Variants in LOC128462377 observed in about 807,000 individuals in gnomAD.
chr16:89,338,726 C>CAAAAAAAAAA, the LOC128462377 span, among the ~76,000 whole-genome samples: 2 of 43,800 alleles, frequency 4.6e-5, no homozygotes, highest in Non-Finnish European at 7.8e-5. Flanking sequence ...CACTCAGTCT[C>CAAAAAAAAAA]AAAAAAAAAA....
chr16:89,356,191 T>C, the LOC128462377 span, among the ~76,000 whole-genome samples: 2 of 152,244 alleles, frequency 1.3e-5, no homozygotes, highest in Non-Finnish European at 2.9e-5. Flanking sequence ...TCTTTGTTTA[T>C]AACATTTATA....
chr16:89,357,189 G>A, the LOC128462377 span, among the ~76,000 whole-genome samples: 6 of 152,180 alleles, frequency 3.9e-5, no homozygotes, highest in Admixed American at 2.6e-4. Context: ...ACACACCTTC[G>A]AAGATGAGTG....
At chr16:89,337,909 G>C in the LOC128462377 span, among the ~76,000 whole-genome samples, 1 of 152,088 alleles carries the variant, frequency 6.6e-6, no homozygotes, top group Non-Finnish European at 1.5e-5. Flanking sequence ...CCCTCTATTG[G>C]GACCACAGCT....
the LOC128462377 span, among the ~76,000 whole-genome samples, chr16:89,415,351 G>A: frequency 1.4e-5 from 2 of 139,622 alleles, no homozygotes; most frequent in Non-Finnish European, 3.0e-5. Flanking sequence ...TGCAAGCTCC[G>A]CCTCCCAGGT....
chr16:89,376,599 G>A, the LOC128462377 span, among the ~76,000 whole-genome samples: 2 of 152,058 alleles, frequency 1.3e-5, no homozygotes, highest in African/African-American at 4.8e-5. Context: ...CACCATGCCC[G>A]GCTAATTTTT....
the LOC128462377 span, among the ~76,000 whole-genome samples, chr16:89,402,177 T>C: frequency 6.6e-6 from 1 of 152,184 alleles, no homozygotes; most frequent in African/African-American, 2.4e-5. Context: ...GAGGACGACC[T>C]ACAGTTCACT....
chr16:89,341,983 C>T, the LOC128462377 span, among the ~76,000 whole-genome samples: 7 of 149,916 alleles, frequency 4.7e-5, no homozygotes, highest in African/African-American at 1.7e-4. Context: ...AGTGCTGCAC[C>T]TCCACCCACA....
At chr16:89,396,307 G>C in the LOC128462377 span, among the ~76,000 whole-genome samples, 1 of 149,068 alleles carries the variant, frequency 6.7e-6, no homozygotes, top group Non-Finnish European at 1.5e-5. Flanking sequence ...GGTGCACACT[G>C]TGTGCTGACC....
chr16:89,408,279 C>T, the LOC128462377 span, among the ~76,000 whole-genome samples: 6 of 152,270 alleles, frequency 3.9e-5, no homozygotes, highest in Non-Finnish European at 1.5e-5. Context: ...AGTGGCAGCC[C>T]TTCCACATTC....
At chr16:89,391,572 G>C in the LOC128462377 span, among the ~76,000 whole-genome samples, 4,552 of 152,232 alleles carry the variant, frequency 0.03, 238 homozygotes, top group African/African-American at 0.1. Context: ...AAAAATCTGA[G>C]TTTTCCCCCT....
the LOC128462377 span, among the ~76,000 whole-genome samples, chr16:89,412,898 ACAGCAGAGGTCACAGGT>A: frequency 7.2e-5 from 11 of 152,320 alleles, no homozygotes; most frequent in East Asian, 1.7e-3. Context: ...AGGACAGAGG[ACAGCAGAGGTCACAGGT>A]CAGCAGAGGT....
At chr16:89,382,696 T>A in the LOC128462377 span, among the ~76,000 whole-genome samples, 2 of 148,550 alleles carry the variant, frequency 1.3e-5, no homozygotes, top group Admixed American at 6.7e-5. Context: ...CCCAGGTTGG[T>A]CTCAAACTCC....
At chr16:89,388,756 T>C in the LOC128462377 span, among the ~76,000 whole-genome samples, 12 of 152,088 alleles carry the variant, frequency 7.9e-5, no homozygotes, top group East Asian at 2.3e-3. Flanking sequence ...TCTGGAATGG[T>C]GCCACTGCCC....
the LOC128462377 span, among the ~76,000 whole-genome samples, chr16:89,342,921 A>T: frequency 6.6e-6 from 1 of 152,240 alleles, no homozygotes; most frequent in South Asian, 2.1e-4. Flanking sequence ...CATATCCCAG[A>T]GCCCAAAACA....
the LOC128462377 span, among the ~76,000 whole-genome samples, chr16:89,399,136 G>A: frequency 1.3e-5 from 2 of 152,200 alleles, no homozygotes; most frequent in Non-Finnish European, 2.9e-5. Context: ...CACGGAGCAG[G>A]AGCATGATGA....
chr16:89,322,304 T>A, the LOC128462377 span, among the ~76,000 whole-genome samples: 2 of 152,374 alleles, frequency 1.3e-5, no homozygotes, highest in East Asian at 3.9e-4. Flanking sequence ...ACACTTCAAA[T>A]TCAGATTTGT....
the LOC128462377 span, among the ~76,000 whole-genome samples, chr16:89,399,985 G>C: frequency 6.6e-6 from 1 of 151,038 alleles, no homozygotes; most frequent in Non-Finnish European, 1.5e-5. Context: ...GGCTTCCTGC[G>C]CTGGGGGCCG....
the LOC128462377 span, among the ~76,000 whole-genome samples, chr16:89,347,968 C>T: frequency 6.6e-6 from 1 of 151,868 alleles, no homozygotes; most frequent in Non-Finnish European, 1.5e-5. Context: ...GCATCTCATT[C>T]CATCACCCAG....
chr16:89,415,145 G>A, the LOC128462377 span, among the ~76,000 whole-genome samples: 2 of 151,632 alleles, frequency 1.3e-5, no homozygotes, highest in African/African-American at 2.4e-5. Flanking sequence ...GTAGAGATGC[G>A]GTCTCGTCAT....
Sources: allele counts gnomAD v4.1 joint callset (sites outside exome capture counted in the v4.1 genomes callset), GRCh38; gene constraint gnomAD v4.1.1; transcripts MANE v1.5.